IL7: variants seen among roughly 807,000 people sequenced by gnomAD.
IL7 encodes the protein interleukin-7.
IL7 carries 3 observed loss-of-function variants against 21.6 expected under a neutral mutation model. The ratio of observed to expected loss-of-function variants is 0.14; its 90% CI spans 0.06 to 0.36. The LOEUF is 0.36. IL7 is among the 10% of genes least tolerant of loss of function. IL7 has a pLI of 1.00. For synonymous variants in IL7, 62 were observed against 68.1 expected, an observed-to-expected ratio of 0.91 and a Z score of 0.44; for missense variants, 175 against 200.2, an observed-to-expected ratio of 0.87 and a Z score of 0.76.
chr8:78,763,877 T>C (rs1235967045), intron 2 of IL7, among the ~76,000 whole-genome samples: 1 of 151,902 alleles, frequency 6.6e-6, no homozygotes, highest in Non-Finnish European at 1.5e-5. Context: ...TGCAAGAAAA[T>C]AAAACTATAG....
chr8:78,741,387 C>T (rs1386080691), intron 2 of IL7, among the ~76,000 whole-genome samples: 1 of 152,112 alleles, frequency 6.6e-6, no homozygotes, highest in African/African-American at 2.4e-5. Flanking sequence ...ACCCCAAGGA[C>T]AATAACTCAT....
intron 4 of IL7, 62 bp downstream of exon 4, chr8:78,738,442 A>T: frequency 7.5e-7 from 1 of 1,341,166 alleles, no homozygotes; most frequent in Non-Finnish European, 1.0e-6. Context: ...ATCAGAGAAT[A>T]GTGGTATCTT....
chr8:78,799,469 C>T (rs1004518808), intron 1 of IL7, among the ~76,000 whole-genome samples: 9 of 152,038 alleles, frequency 5.9e-5, no homozygotes, highest in African/African-American at 1.9e-4. Context: ...TATGTGACAA[C>T]ATAGTAAGAG....
intron 3 of IL7, chr8:78,711,990 T>C (rs1215021658): frequency 5.4e-6 from 7 of 1,288,270 alleles, no homozygotes; most frequent in Non-Finnish European, 6.1e-6. Flanking sequence ...ATTTTAATAG[T>C]AATATGGACA....
chr8:78,739,722 A>C (rs1168697104), intron 3 of IL7, among the ~76,000 whole-genome samples: 1 of 152,026 alleles, frequency 6.6e-6, no homozygotes, highest in Non-Finnish European at 1.5e-5. Context: ...AAAGAAAGAA[A>C]GAAAATAAGA....
intron 1 of IL7, among the ~76,000 whole-genome samples, chr8:78,800,532 T>C (rs1027848609): frequency 6.6e-6 from 1 of 152,182 alleles, no homozygotes; most frequent in Non-Finnish European, 1.5e-5. Flanking sequence ...ACTCCTGGGC[T>C]CAAGCAATCT....
chr8:78,694,395 T>C (rs1810329790), intron 3 of IL7, among the ~76,000 whole-genome samples: 1 of 152,158 alleles, frequency 6.6e-6, no homozygotes, highest in Non-Finnish European at 1.5e-5. Flanking sequence ...CATTCATGCC[T>C]TCTTCCAGAG....
chr8:78,769,837 A>G (rs1429055454), intron 2 of IL7, among the ~76,000 whole-genome samples: 2 of 152,192 alleles, frequency 1.3e-5, no homozygotes, highest in African/African-American at 4.8e-5. Flanking sequence ...CAAAACAGAG[A>G]TATAGACCAA....
rs781232858 is a variant in IL7, at chr8:78,804,951, T to A, written c.-29A>T. On this transcript the variant is annotated 5_prime_UTR_variant, in exon 1 of 6. Transcript: ENST00000263851. ...CTGCGGGAGGCGGGCGTAGTCATGA[T>A]GACCGCAACTGGAGCAGGAGCAAGC... The A allele has an allele frequency of 1.9e-6, 3 of 1,609,944 alleles. No homozygotes were observed. Among genetic ancestry groups the A allele is most frequent in the South Asian group, 1.1e-5 (1 of 90,554 alleles).
rs1300838778 is a variant in IL7, at chr8:78,725,808, G to A, written n.268-4368C>T. ...TATCAGTAACATGTATAAAATCTTT[G>A]CCACAATCTGTGACATTTAATAGGC... is the stretch of plus-strand genomic sequence containing the variant. On this transcript the variant is annotated intron_variant and non_coding_transcript_variant, in intron 3 of 6. Transcript: ENST00000519833. Among the ~76,000 whole-genome samples the A allele has an allele frequency of 1.1e-4, 16 of 152,054 alleles. No homozygotes were observed. The East Asian group carries it at 3.1e-3, about 29-fold the overall frequency.
rs1027003222 is a variant in IL7 at position 78,680,731 on chromosome 8, A to G, written n.274-4627T>C. On this transcript the variant is annotated intron_variant and non_coding_transcript_variant, in intron 4 of 4. Transcript: ENST00000523959. ...GGAGAAATTACCCGTAAGAGGAGGT[A>G]TAGGAAATTGCTTGGGGGCCTGTGG... Among the ~76,000 whole-genome samples the G allele has an allele frequency of 2.0e-5, 3 of 152,184 alleles. No individual in the cohort carries two copies. The East Asian group carries it at 5.8e-4, about 29-fold the overall frequency.
intron 2 of IL7, chr8:78,760,831 A>G: frequency 3.9e-6 from 6 of 1,553,180 alleles, no homozygotes; most frequent in Non-Finnish European, 5.2e-6. Flanking sequence ...ACCAAAATTC[A>G]TTATAAACTT....
chr8:78,754,758 C>A (rs1812293402), intron 2 of IL7, among the ~76,000 whole-genome samples: 1 of 152,098 alleles, frequency 6.6e-6, no homozygotes, highest in Non-Finnish European at 1.5e-5. Context: ...GAATAATTTG[C>A]ACATATTTTG....
chr8:78,735,789 A>G (rs367806174), intron 5 of IL7, among the ~76,000 whole-genome samples: 2 of 152,262 alleles, frequency 1.3e-5, no homozygotes, highest in African/African-American at 2.4e-5. Context: ...CCATGTTGCC[A>G]TGTAGCTATT....
At chr8:78,755,161 G>C (rs985470590) in intron 2 of IL7, among the ~76,000 whole-genome samples, 1 of 151,812 alleles carries the variant, frequency 6.6e-6, no homozygotes, top group Non-Finnish European at 1.5e-5. Flanking sequence ...TTTATTTCTG[G>C]CTTCTCTATT....
chr8:78,753,094 C>T (rs2369536), intron 2 of IL7, among the ~76,000 whole-genome samples: 28,914 of 151,604 alleles, frequency 0.19, 3,857 homozygotes, highest in African/African-American at 0.37. Context: ...TTAAAATCCT[C>T]TGGGTATATG....
chr8:78,722,053 ATT>A (rs1454368821), intron 3 of IL7, among the ~76,000 whole-genome samples: 1 of 151,946 alleles, frequency 6.6e-6, no homozygotes, highest in Non-Finnish European at 1.5e-5. Flanking sequence ...CTAGAAATAT[ATT>A]TCTCAATATT....
chr8:78,717,841 C>G (rs921837490), downstream of IL7: 31 of 161,150 alleles, frequency 1.9e-4, no homozygotes, highest in Non-Finnish European at 2.2e-4. Flanking sequence ...AGTGCTTAGC[C>G]CTTCAAGCTT....
intron 5 of IL7, among the ~76,000 whole-genome samples, chr8:78,720,186 C>T (rs1586040386): frequency 6.6e-6 from 1 of 151,576 alleles, no homozygotes; most frequent in African/African-American, 2.4e-5. Context: ...TGATTTTTTT[C>T]CTTAGGTTAG....
Sources: allele counts gnomAD v4.1 joint callset (sites outside exome capture counted in the v4.1 genomes callset), GRCh38; gene constraint gnomAD v4.1.1; transcripts MANE v1.5; gene names NCBI Gene and HGNC (gene_info 2026-07-23, HGNC 2026-07-21).